CTNNBL1: variants seen among roughly 807,000 people sequenced by gnomAD.
CTNNBL1 encodes the protein catenin beta like 1, also known as beta-catenin-like protein 1.
Under a neutral mutation model 72.7 loss-of-function variants are expected in CTNNBL1, and 31 were observed. The observed-to-expected ratio is 0.43, with a 90% CI of 0.32 to 0.58. The LOEUF (loss-of-function observed/expected upper bound fraction) is 0.58. CTNNBL1 is among the 20% of genes least tolerant of loss of function. CTNNBL1 has a pLI of 0.08. For missense variants in CTNNBL1, 534 were observed against 725.1 expected, an observed-to-expected ratio of 0.74 and a Z score of 3.03; for synonymous variants, 240 against 267.3, an observed-to-expected ratio of 0.90 and a Z score of 1.00.
intron 6 of CTNNBL1, among the ~76,000 whole-genome samples, chr20:37,766,482 C>G (rs2073469410): frequency 2.6e-5 from 4 of 152,048 alleles, no homozygotes; most frequent in Admixed American, 2.6e-4. Flanking sequence ...ATAGGTGAGT[C>G]TTGAAAAGAA....
chr20:37,793,434 T>C (rs1488198797), intron 10 of CTNNBL1, among the ~76,000 whole-genome samples: 1 of 152,242 alleles, frequency 6.6e-6, no homozygotes, highest in Admixed American at 6.5e-5. Context: ...TATATTAATA[T>C]AGCCACTACA....
chr20:37,740,524 A>G (rs1236761687), intron 3 of CTNNBL1, among the ~76,000 whole-genome samples: 1 of 152,216 alleles, frequency 6.6e-6, no homozygotes, highest in African/African-American at 2.4e-5. Flanking sequence ...CACATTGACT[A>G]GAGTGTGCTG....
chr20:37,746,888 G>A (rs1483438715), intron 4 of CTNNBL1, among the ~76,000 whole-genome samples: 2 of 152,224 alleles, frequency 1.3e-5, no homozygotes, highest in African/African-American at 4.8e-5. Flanking sequence ...TACATTAACA[G>A]CTTTACTTTT....
At chr20:37,719,629 C>T (rs2073022772) in intron 1 of CTNNBL1, among the ~76,000 whole-genome samples, 1 of 152,170 alleles carries the variant, frequency 6.6e-6, no homozygotes, top group African/African-American at 2.4e-5. Flanking sequence ...TTCATGTTCA[C>T]AAGGGCCCAT....
chr20:37,811,120 G>C (rs4811143), intron 11 of CTNNBL1, among the ~76,000 whole-genome samples: 56,084 of 151,928 alleles, frequency 0.37, 10,719 homozygotes, highest in Admixed American at 0.49. Flanking sequence ...TTTCCTTCCT[G>C]AATCTACCAG....
chr20:37,821,364 T>C (rs1188131995), intron 11 of CTNNBL1, among the ~76,000 whole-genome samples: 1 of 152,200 alleles, frequency 6.6e-6, no homozygotes, highest in East Asian at 1.9e-4. Flanking sequence ...CTTTTGTCCT[T>C]TATATCCCTT....
chr20:37,822,130 T>C lies in CTNNBL1; in HGVS notation c.1214-17972T>C, dbSNP rs551576219. 2.6e-5 allele frequency among the ~76,000 whole-genome samples: 4 copies of C among 152,322 alleles called. No homozygotes were observed. The East Asian group carries it at 7.7e-4, about 29-fold the overall frequency. ...AGAGAATAAATCTGTATTTTCTGCT[T>C]CCTGTGCCAGCGTGTGTCTAACTCT... On this transcript the variant is annotated intron_variant, in intron 11 of 15. Coordinates refer to ENST00000361383, the MANE Select transcript of CTNNBL1 (RefSeq NM_030877.5).
chr20:37,865,535 TATTCTGC>T (rs1181309120), intron 15 of CTNNBL1, among the ~76,000 whole-genome samples: 3 of 152,166 alleles, frequency 2.0e-5, no homozygotes, highest in Non-Finnish European at 4.4e-5. Context: ...TGGCAGCCAC[TATTCTGC>T]ATTCTGTCTC....
In CTNNBL1 at chr20:37,871,989, C is replaced by T; in HGVS notation, c.1668C>T (p.Ile556=). 1.2e-6 allele frequency: 2 copies of T among 1,614,086 alleles called. No individual in the cohort carries two copies. Among genetic ancestry groups the T allele is most frequent in the Non-Finnish European group, 1.7e-6 (2 of 1,179,980 alleles). Residue 556 remains isoleucine, a synonymous_variant, in exon 16 of 16, where the codon ATC becomes ATT. Coordinates refer to ENST00000361383, the MANE Select transcript of CTNNBL1 (RefSeq NM_030877.5). ...PEFRENEQKR[I]LGLLENF ...TCCGGGAGAACGAGCAAAAGCGCAT[C>T]CTGGGCTTGCTGGAGAACTTCTAGA...
intron 10 of CTNNBL1, among the ~76,000 whole-genome samples, chr20:37,783,071 A>G (rs1190809987): frequency 1.3e-5 from 2 of 152,104 alleles, no homozygotes; most frequent in Admixed American, 6.5e-5. Context: ...AGGCCTGGCT[A>G]ATTTTTTAAA....
chr20:37,851,101 A>T (rs186647717), intron 13 of CTNNBL1, among the ~76,000 whole-genome samples: 2 of 152,138 alleles, frequency 1.3e-5, no homozygotes, highest in East Asian at 3.9e-4. Flanking sequence ...CACACACACA[A>T]CCCTGCGGAA....
intron 10 of CTNNBL1, among the ~76,000 whole-genome samples, chr20:37,800,570 T>C (rs2073815780): frequency 6.6e-6 from 1 of 152,242 alleles, no homozygotes; most frequent in South Asian, 2.1e-4. Context: ...ACTGTACTTA[T>C]TATTTTGTTA....
At chr20:37,781,748 T>C (rs556846716) in intron 10 of CTNNBL1, among the ~76,000 whole-genome samples, 11 of 152,188 alleles carry the variant, frequency 7.2e-5, no homozygotes, top group African/African-American at 1.7e-4. Context: ...AGAGAGAGCC[T>C]ATTCAAGACT....
At chr20:37,844,954 TAAAAA>T (rs1379497138) in intron 13 of CTNNBL1, among the ~76,000 whole-genome samples, 2 of 151,982 alleles carry the variant, frequency 1.3e-5, no homozygotes, top group African/African-American at 4.8e-5. Context: ...TCTCAAAAAA[TAAAAA>T]CAAAACACCT....
At chr20:37,739,974 C>A (rs755090210) in intron 3 of CTNNBL1, among the ~76,000 whole-genome samples, 2 of 152,052 alleles carry the variant, frequency 1.3e-5, no homozygotes, top group Non-Finnish European at 2.9e-5. Flanking sequence ...TTTCCTTCGC[C>A]CGCTTGGTAG....
intron 11 of CTNNBL1, among the ~76,000 whole-genome samples, chr20:37,818,186 A>C (rs1157838389): frequency 6.6e-6 from 1 of 152,222 alleles, no homozygotes; most frequent in Non-Finnish European, 1.5e-5. Flanking sequence ...CCTGTTGAAC[A>C]CTTAATGATT....
chr20:37,786,593 A>G (rs1289209129), intron 10 of CTNNBL1, among the ~76,000 whole-genome samples: 1 of 152,136 alleles, frequency 6.6e-6, no homozygotes, highest in East Asian at 1.9e-4. Flanking sequence ...AAATATGCAT[A>G]TGTGTATTTG....
At chr20:37,853,449 T>C (rs1458321520) in intron 13 of CTNNBL1, among the ~76,000 whole-genome samples, 2 of 152,186 alleles carry the variant, frequency 1.3e-5, no homozygotes, top group African/African-American at 4.8e-5. Context: ...AGCCATCCGA[T>C]CATGAGTGGA....
chr20:37,698,701 A>G (rs1422687770), intron 1 of CTNNBL1, among the ~76,000 whole-genome samples: 1 of 152,222 alleles, frequency 6.6e-6, no homozygotes, highest in Admixed American at 6.5e-5. Flanking sequence ...AATGTAGTTC[A>G]TAATCAGTTG....
Sources: allele counts gnomAD v4.1 joint callset (sites outside exome capture counted in the v4.1 genomes callset), GRCh38; gene constraint gnomAD v4.1.1; transcripts MANE v1.5; gene names NCBI Gene and HGNC (gene_info 2026-07-23, HGNC 2026-07-21).